Variants in CPSF7 observed in about 807,000 individuals in gnomAD.
CPSF7 encodes the protein cleavage and polyadenylation specificity factor subunit 7.
Under a neutral mutation model 44.3 loss-of-function variants are expected in CPSF7, and 1 was observed. The observed-to-expected ratio is 0.02, with a 90% CI of 0.01 to 0.11. The LOEUF (loss-of-function observed/expected upper bound fraction) is 0.11, where lower values mean the gene tolerates loss of function less well. Among genes scored for constraint, CPSF7 ranks in the 10% least tolerant of loss-of-function variants. The probability of loss-of-function intolerance (pLI) is 1.00; values close to 1 mark genes in which losing one functional copy is unlikely to be tolerated. For synonymous variants in CPSF7, 202 were observed against 222.0 expected, an observed-to-expected ratio of 0.91 and a Z score of 0.80; for missense variants, 443 against 607.2, an observed-to-expected ratio of 0.73 and a Z score of 2.84.
rs1006170272 is a variant in CPSF7, at chr11:61,404,076, T to C, written c.*634A>G. 4.6e-4 allele frequency: 71 copies of C among 152,738 alleles called. No homozygotes were observed. Among genetic ancestry groups the C allele is most frequent in the African/African-American group, 1.4e-3 (59 of 41,566 alleles). 9.5% of individuals were successfully genotyped at this position (152,738 alleles called of 1,614,324 possible). ...GCAGAGTTGAAAGAGTTCAGCCCTC[T>C]GGGAGGTCAAAGAAATAAACCGTCA... On this transcript the variant is annotated 3_prime_UTR_variant, in exon 10 of 10. Transcript: ENST00000439958.
chr11:61,416,733 G>A (rs1860375381), intron 5 of CPSF7, among the ~76,000 whole-genome samples: 1 of 151,456 alleles, frequency 6.6e-6, no homozygotes, highest in African/African-American at 2.5e-5. Context: ...CCTAAATCCT[G>A]TCAAAGAATG....
intron 7 of CPSF7, among the ~76,000 whole-genome samples, chr11:61,414,465 G>A (rs1035252944): frequency 2.0e-5 from 3 of 152,234 alleles, no homozygotes; most frequent in Non-Finnish European, 2.9e-5. Flanking sequence ...GACTAATTTA[G>A]ATGTCAATGT....
rs1860782846 is a variant in CPSF7 at position 61,420,716 on chromosome 11, T to C, written c.274-143A>G. On this transcript the variant is annotated intron_variant, in intron 3 of 9. Transcript: ENST00000439958. ...GGCAATATTTCAATTAGTGCAGACTTTTCTTATTGTCCTCACCCATACAGA... is the reference window on the plus strand; with the variant it reads ...GGCAATATTTCAATTAGTGCAGACTCTTCTTATTGTCCTCACCCATACAGA... The C allele has an allele frequency of 2.3e-5, 15 of 638,432 alleles. No homozygotes were observed. The South Asian group carries it at 2.7e-4, about 11-fold the overall frequency. The allele number at this position is 638,432 out of a possible 1,614,324, so 39.5% of individuals were successfully genotyped here. A position where few individuals can be genotyped will look rare whatever the true frequency, so the allele number is the denominator to read the frequency against.
intron 2 of CPSF7, chr11:61,426,925 G>A (rs1402079888): frequency 1.3e-5 from 2 of 151,470 alleles, no homozygotes; most frequent in African/African-American, 4.9e-5. Context: ...CTACTCAGGA[G>A]GCTGAGGCAG....
At chr11:61,421,750 G>T in intron 2 of CPSF7, 142 bp from the exon 3 acceptor site, 1 of 625,072 alleles carries the variant, frequency 1.6e-6, no homozygotes, top group African/African-American at 1.8e-5. Context: ...AACAAAGTAA[G>T]AAAAACCTCC....
chr11:61,420,204 T>G, intron 4 of CPSF7, 110 bp from the exon 5 acceptor site: 1 of 883,882 alleles, frequency 1.1e-6, no homozygotes, highest in Non-Finnish European at 1.7e-6. Flanking sequence ...GACATCTTGC[T>G]AAACTAAACA....
chr11:61,429,427 G>T, intron 1 of CPSF7, 137 bp from the exon 2 acceptor site: 1 of 547,486 alleles, frequency 1.8e-6, no homozygotes, highest in Non-Finnish European at 3.2e-6. Flanking sequence ...GCTCCGCCCC[G>T]CCCCCGGCCT....
At chr11:61,427,521 C>T (rs1339626457) in intron 2 of CPSF7, among the ~76,000 whole-genome samples, 3 of 151,782 alleles carry the variant, frequency 2.0e-5, no homozygotes, top group Admixed American at 1.3e-4. Context: ...GGTGAGGTGA[C>T]CCACGCCTGT....
At chr11:61,415,952 G>T (rs1018234633) in intron 6 of CPSF7, 153 bp downstream of exon 6, 3 of 861,592 alleles carry the variant, frequency 3.5e-6, no homozygotes, top group African/African-American at 3.4e-5. Flanking sequence ...GGGTATAAAG[G>T]ACATGGTACT....
intron 5 of CPSF7, among the ~76,000 whole-genome samples, chr11:61,419,311 C>T (rs1283970711): frequency 6.6e-5 from 10 of 152,156 alleles, no homozygotes; most frequent in African/African-American, 2.2e-4. Flanking sequence ...CGTGAGCCAC[C>T]GCGCCCGGCC....
rs1468328340 is a variant in CPSF7 at position 61,404,421 on chromosome 11, T to C, written c.*289A>G. 6.6e-6 allele frequency: 1 copy of C among 152,548 alleles called. No individual in the cohort carries two copies. The highest frequency in any genetic ancestry group is 2.4e-5 in the African/African-American group (1 of 41,398). The allele number at this position is 152,548 out of a possible 1,614,324, so 9.4% of individuals were successfully genotyped here. A position where few individuals can be genotyped will look rare whatever the true frequency, so the allele number is the denominator to read the frequency against. On this transcript the variant is annotated 3_prime_UTR_variant, in exon 10 of 10. Coordinates refer to ENST00000439958, the MANE Select transcript of CPSF7 (RefSeq NM_001142565.3). ...TACGTTTTCTTGGACAAAGCACCAT[T>C]CTCTATGGAGACCAGGGGCCTGGAC...
chr11:61,408,885 G>A (rs893036171), intron 9 of CPSF7, among the ~76,000 whole-genome samples: 11 of 152,186 alleles, frequency 7.2e-5, no homozygotes, highest in African/African-American at 1.4e-4. Flanking sequence ...TGCTTCAAAA[G>A]AAAATTACAG....
rs376241736 is a variant in CPSF7 at position 61,428,260 on chromosome 11, C to A, written c.54+922G>T. On this transcript the variant is annotated intron_variant, in intron 2 of 9. Transcript: ENST00000439958. The stretch of plus-strand genomic sequence containing the variant: ...GCAGCGGCCCAATCATGGCTCACTG[C>A]AGCCTTGAATTCCTGGGCTCAGGGA... Among the ~76,000 whole-genome samples the A allele has an allele frequency of 1.9e-4, 29 of 152,334 alleles. No individual in the cohort carries two copies. In the South Asian group the frequency reaches 5.8e-3, roughly 30 times the overall value.
At chr11:61,405,650 G>A (rs900799769) in intron 9 of CPSF7, among the ~76,000 whole-genome samples, 9 of 152,194 alleles carry the variant, frequency 5.9e-5, no homozygotes, top group Admixed American at 5.9e-4. Flanking sequence ...GGGAAAATGA[G>A]GAATTAGAAT....
At chr11:61,429,487 C>T in intron 1 of CPSF7, 197 bp from the exon 2 acceptor site, 2 of 533,232 alleles carry the variant, frequency 3.8e-6, no homozygotes, top group East Asian at 6.9e-5. Context: ...GCCCATCACC[C>T]TCGGGCCCGA....
At chr11:61,408,617 A>T (rs1859547118) in intron 9 of CPSF7, among the ~76,000 whole-genome samples, 1 of 152,196 alleles carries the variant, frequency 6.6e-6, no homozygotes, top group Non-Finnish European at 1.5e-5. Flanking sequence ...ATATGCTTAT[A>T]TAATAGAAAC....
At chr11:61,406,570 A>C (rs1396069554) in intron 9 of CPSF7, among the ~76,000 whole-genome samples, 1 of 152,196 alleles carries the variant, frequency 6.6e-6, no homozygotes, top group Non-Finnish European at 1.5e-5. Flanking sequence ...CAAACGGGTG[A>C]CCAGGAAAAG....
chr11:61,406,726 T>C (rs1859360466), intron 9 of CPSF7, among the ~76,000 whole-genome samples: 1 of 152,122 alleles, frequency 6.6e-6, no homozygotes, highest in African/African-American at 2.4e-5. Flanking sequence ...GGAGAAATAG[T>C]CTCATCTTAT....
intron 1 of CPSF7, chr11:61,429,708 G>A (rs1254117924): frequency 1.2e-5 from 18 of 1,525,926 alleles, no homozygotes; most frequent in East Asian, 2.5e-5. Context: ...CCCAACCCAG[G>A]CCTACTCTTC....
Sources: allele counts gnomAD v4.1 joint callset (sites outside exome capture counted in the v4.1 genomes callset), GRCh38; gene constraint gnomAD v4.1.1; transcripts MANE v1.5; gene names NCBI Gene and HGNC (gene_info 2026-07-23, HGNC 2026-07-21).